DGKK: variants seen among roughly 807,000 people sequenced by gnomAD.
DGKK encodes the protein 142 kDa diacylglycerol kinase.
In DGKK, 35 loss-of-function variants were observed where a neutral mutation model predicts 92.2. The ratio of observed to expected loss-of-function variants is 0.38; its 90% CI spans 0.29 to 0.50. The LOEUF (loss-of-function observed/expected upper bound fraction) is 0.50. Ranked by LOEUF, DGKK falls within the 20% of genes least tolerant of loss-of-function variation. The probability of loss-of-function intolerance (pLI) is 0.92; values close to 1 mark genes in which losing one functional copy is unlikely to be tolerated. For synonymous variants in DGKK, 368 were observed against 360.6 expected (o/e 1.02, Z -0.23); for missense variants, 910 against 992.2 (o/e 0.92, Z 1.11).
At chrX:50,433,341 C>A (rs1925936951) in intron 1 of DGKK, among the ~76,000 whole-genome samples, 1 of 112,031 alleles carries the variant, frequency 8.9e-6, no homozygotes, top group African/African-American at 3.2e-5. Context: ...AGTCAAATAG[C>A]AAATTAGTTG....
At chrX:50,371,897 C>CT in intron 25 of DGKK, 63 bp from the exon 26 acceptor site, 1 of 692,266 alleles carries the variant, frequency 1.4e-6, no homozygotes, top group Non-Finnish European at 2.2e-6. Flanking sequence ...CTCTTACACT[C>CT]TCCCCCACTC....
In DGKK at chrX:50,391,549, T is replaced by A. The variant is rs782627106; in HGVS notation, c.1732A>T (p.Thr578Ser). The change falls in exon 11 of 28, where the codon ACC (threonine) becomes TCC (serine). Residue 578 changes from threonine (T) to serine (S), a missense_variant. Coordinates refer to ENST00000611977, the MANE Select transcript of DGKK (RefSeq NM_001013742.4). The stretch of plus-strand genomic sequence containing the variant: ...AGAACACGAGCCAGATCATTGCCGG[T>A]TCCAAGTGGGATGACTGCCAACTGA... Reference protein sequence around the residue: ...KCQLAVIPLGTGNDLARVLGW... With the variant: ...KCQLAVIPLGSGNDLARVLGW... The A allele has an allele frequency of 1.7e-6, 2 of 1,211,102 alleles. No homozygotes were observed. The highest frequency in any genetic ancestry group is 2.2e-6 in the Non-Finnish European group (2 of 895,110).
chrX:50,447,369 T>TAA (rs1557232044), intron 1 of DGKK, among the ~76,000 whole-genome samples: 68 of 11,608 alleles, frequency 5.9e-3, no homozygotes, highest in Admixed American at 0.01. Flanking sequence ...TATATATATA[T>TAA]TATATATATA....
At position 50,374,050 on chromosome X, in the gene DGKK, G is replaced by C. The variant is rs1175321181; in HGVS notation, c.3501+921C>G. Among the ~76,000 whole-genome samples the C allele has an allele frequency of 2.7e-5, 3 of 112,157 alleles. No homozygotes were observed. The Admixed American group carries it at 2.8e-4, about 11-fold the overall frequency. ...GTAGATATGGAAACTAAGACCCAGAGAGGTGAAGTCACACAGCTAGTGTTA... is the reference window on the plus strand; with the variant it reads ...GTAGATATGGAAACTAAGACCCAGACAGGTGAAGTCACACAGCTAGTGTTA... On this transcript the variant is annotated intron_variant, in intron 25 of 27. Transcript: ENST00000611977.
chrX:50,451,017 A>T (rs1175095043), intron 1 of DGKK, among the ~76,000 whole-genome samples: 2 of 111,791 alleles, frequency 1.8e-5, no homozygotes, highest in Non-Finnish European at 3.8e-5. Flanking sequence ...TCAAGTTACA[A>T]GGCCATCCTA....
chrX:50,392,689 AC>A (rs1296537118), intron 9 of DGKK, among the ~76,000 whole-genome samples: 1 of 112,260 alleles, frequency 8.9e-6, no homozygotes, highest in Non-Finnish European at 1.9e-5. Flanking sequence ...ACCTAAACAG[AC>A]CCATTTGCTG....
At chrX:50,403,250 A>T (rs1925057301) in intron 6 of DGKK, 67 bp from the exon 7 acceptor site, 2 of 1,119,676 alleles carry the variant, frequency 1.8e-6, no homozygotes, top group East Asian at 6.5e-5. Context: ...GGCCAACTGG[A>T]ATAATTGTAC....
rs782616559 is a variant in DGKK at position 50,424,371 on chromosome X, A to C, written c.646-13T>G. ...CCTTCAATATTTTCTGAAAGATAGA[A>C]GCATGGTGTTGAGCAATTAGATCAA... is the stretch of plus-strand genomic sequence containing the variant. On this transcript the variant is annotated splice_polypyrimidine_tract_variant and intron_variant, in intron 1 of 27. Coordinates refer to ENST00000611977, the MANE Select transcript of DGKK (RefSeq NM_001013742.4). 9.9e-5 allele frequency: 118 copies of C among 1,187,243 alleles called. No homozygotes were observed. In the South Asian group the frequency reaches 1.9e-3, roughly 19 times the overall value.
intron 13 of DGKK, 43 bp downstream of exon 13, chrX:50,388,484 C>A (rs782212664): frequency 6.6e-6 from 7 of 1,060,612 alleles, no homozygotes; most frequent in African/African-American, 1.9e-5. Context: ...CCATGTCTGA[C>A]CTGGGAACAG....
chrX:50,426,913 G>A (rs1925756615), intron 1 of DGKK, among the ~76,000 whole-genome samples: 2 of 111,889 alleles, frequency 1.8e-5, no homozygotes, highest in African/African-American at 6.5e-5. Flanking sequence ...ATGCAAAATG[G>A]TACAACTAGT....
Position 50,376,062 on chromosome X carries a change from C to A in DGKK, c.3376G>T (p.Gly1126Cys), listed in dbSNP as rs977116150. Residue 1126 changes from glycine to cysteine, a missense_variant, in exon 24 of 28, where the codon GGC becomes TGC. Transcript: ENST00000611977. ...CAGGAAGCTGCACCCATCTCATTGC[C>A]ACTGTCTTGGCCGTAAAATATATCA... Reference protein sequence around the residue: ...LNDIFYGQDSGNEMGAASCIP... With the variant: ...LNDIFYGQDSCNEMGAASCIP... 1 of 1,209,651 alleles carries A rather than the reference C, an allele frequency of 8.3e-7. No homozygotes were observed. The highest frequency in any genetic ancestry group is 1.1e-6 in the Non-Finnish European group (1 of 894,914).
In DGKK at chrX:50,368,993, C is replaced by T; in HGVS notation, c.3763G>A (p.Glu1255Lys). 8.3e-7 allele frequency: 1 copy of T among 1,209,017 alleles called. No individual in the cohort carries two copies. The highest frequency in any genetic ancestry group is 3.0e-5 in the East Asian group (1 of 33,761). The change falls in exon 28 of 28, where the codon GAA becomes AAA. Residue 1255 changes from glutamate to lysine, a missense_variant. By Grantham distance (56) the Glu-to-Lys change is moderately conservative. Coordinates refer to ENST00000611977, the MANE Select transcript of DGKK (RefSeq NM_001013742.4). Reference sequence around the variant, plus strand: ...GGATCATCACCCTCTGCTTCATCTTCACGATGTCTGCGGTGCCATAAATTG... The same window carrying T: ...GGATCATCACCCTCTGCTTCATCTTTACGATGTCTGCGGTGCCATAAATTG... ...IGNLWHRRHREDEAEGDDPLT... is the reference protein window; with the variant it reads ...IGNLWHRRHRKDEAEGDDPLT...
At chrX:50,409,736 T>C (rs1193790874) in intron 4 of DGKK, among the ~76,000 whole-genome samples, 2 of 111,982 alleles carry the variant, frequency 1.8e-5, no homozygotes, top group Non-Finnish European at 3.8e-5. Context: ...ACTGAATGCT[T>C]GTGTACCCCC....
intron 1 of DGKK, among the ~76,000 whole-genome samples, chrX:50,454,489 A>T (rs782722397): frequency 1.8e-5 from 2 of 111,373 alleles, no homozygotes; most frequent in Non-Finnish European, 3.8e-5. Flanking sequence ...GTCACAATAT[A>T]TATCTTAAAA....
At chrX:50,469,145 T>G (rs1281840706) in intron 1 of DGKK, among the ~76,000 whole-genome samples, 18 of 111,000 alleles carry the variant, frequency 1.6e-4, no homozygotes, top group Admixed American at 1.5e-3. Flanking sequence ...CCCGGCTAAG[T>G]GTAACGATTT....
At chrX:50,393,524 C>T (rs1172180836) in intron 8 of DGKK, among the ~76,000 whole-genome samples, 189 bp from the exon 9 acceptor site, 2 of 111,672 alleles carry the variant, frequency 1.8e-5, no homozygotes, top group African/African-American at 6.5e-5. Context: ...ATTTGTCTAG[C>T]TGTTGTCAGA....
intron 1 of DGKK, among the ~76,000 whole-genome samples, chrX:50,425,734 CA>C (rs1395713410): frequency 9.0e-6 from 1 of 111,403 alleles, no homozygotes; most frequent in Non-Finnish European, 1.9e-5. Context: ...CCTTGGGATG[CA>C]AAAGAATGGT....
At position 50,410,480 on chromosome X, in the gene DGKK, G is replaced by A. The variant is rs186656441; in HGVS notation, c.943-6296C>T. On this transcript the variant is annotated intron_variant, in intron 4 of 27. Transcript: ENST00000611977. Reference sequence around the variant, plus strand: ...GAATGATGAAATTCGATATTTAGCTGAGGATATTTGGTTCCTCCTGACTGC... The same window carrying A: ...GAATGATGAAATTCGATATTTAGCTAAGGATATTTGGTTCCTCCTGACTGC... Among the ~76,000 whole-genome samples, 5 of 112,310 alleles carry A rather than the reference G, an allele frequency of 4.5e-5. No individual in the cohort carries two copies. In the East Asian group the frequency reaches 1.4e-3, roughly 31 times the overall value.
chrX:50,414,540 A>G (rs1925384560), intron 4 of DGKK, among the ~76,000 whole-genome samples: 1 of 111,517 alleles, frequency 9.0e-6, no homozygotes, highest in Admixed American at 9.5e-5. Flanking sequence ...AATCAGTTTT[A>G]TTTTGATTAT....
Sources: allele counts gnomAD v4.1 joint callset (sites outside exome capture counted in the v4.1 genomes callset), GRCh38; gene constraint gnomAD v4.1.1; transcripts MANE v1.5; gene names NCBI Gene and HGNC (gene_info 2026-07-23, HGNC 2026-07-21).